ENTHD1: variants seen among roughly 807,000 people sequenced by gnomAD.
The protein encoded by ENTHD1 is ENTH domain containing 1.
Under a neutral mutation model 39.1 loss-of-function variants are expected in ENTHD1, and 23 were observed. The observed-to-expected ratio is 0.59, with a 90% CI of 0.42 to 0.83. ENTHD1 has a LOEUF of 0.83. Among genes scored for constraint, ENTHD1 ranks in the 40% least tolerant of loss-of-function variants. ENTHD1 has a pLI of 0.00. For synonymous variants in ENTHD1, 230 were observed against 258.2 expected (o/e 0.89, Z 1.05); for missense variants, 624 against 705.4 (o/e 0.88, Z 1.31).
chr22:39,743,959 T>C lies in ENTHD1; in HGVS notation c.1544A>G (p.Glu515Gly), dbSNP rs1569120171. ...ISHISSSHWG[E>G]FSTQNVDQFI... ...CTGGTCTACATTTTGGGTGGAAAAC[T>C]CCCCCCAGTGACTACTAGAAATGTG... is the stretch of plus-strand genomic sequence containing the variant. The change falls in exon 7 of 7, where the codon GAG becomes GGG. Residue 515 changes from glutamate to glycine, a missense_variant. By Grantham distance (98) the Glu-to-Gly change is moderately conservative. Coordinates refer to ENST00000325157, the MANE Select transcript of ENTHD1 (RefSeq NM_152512.4). 2 of 1,614,056 alleles carry C rather than the reference T, an allele frequency of 1.2e-6. No homozygotes were observed. The highest frequency in any genetic ancestry group is 1.7e-5 in the Admixed American group (1 of 60,006).
intron 4 of ENTHD1, among the ~76,000 whole-genome samples, chr22:39,826,974 G>C (rs2065831491): frequency 6.6e-6 from 1 of 151,638 alleles, no homozygotes; most frequent in South Asian, 2.1e-4. Flanking sequence ...CAGCCTCCCT[G>C]GCGGCTGGGA....
intron 6 of ENTHD1, among the ~76,000 whole-genome samples, chr22:39,749,032 G>A (rs558968183): frequency 8.5e-5 from 13 of 152,270 alleles, no homozygotes; most frequent in South Asian, 2.1e-4. Flanking sequence ...AACTGCTGAC[G>A]AAATCGCTTA....
intron 3 of ENTHD1, among the ~76,000 whole-genome samples, chr22:39,837,311 T>C (rs2065913807): frequency 6.6e-6 from 1 of 152,214 alleles, no homozygotes. Context: ...GATCCGCAAC[T>C]TCCACCTATG....
chr22:39,810,025 C>T (rs948638405), intron 5 of ENTHD1, among the ~76,000 whole-genome samples: 1 of 152,172 alleles, frequency 6.6e-6, no homozygotes, highest in African/African-American at 2.4e-5. Context: ...AACCTAACTA[C>T]TGTCATTATA....
At chr22:39,758,161 G>GT (rs1203360434) in intron 6 of ENTHD1, among the ~76,000 whole-genome samples, 4 of 152,130 alleles carry the variant, frequency 2.6e-5, no homozygotes, top group Admixed American at 1.3e-4. Context: ...CTAGTAGCCT[G>GT]TTTGACAGAC....
At chr22:39,831,325 G>C (rs1012906661) in intron 4 of ENTHD1, among the ~76,000 whole-genome samples, 11 of 152,180 alleles carry the variant, frequency 7.2e-5, no homozygotes, top group Non-Finnish European at 1.3e-4. Context: ...ATCCCAAGCT[G>C]CCAGTAAGTC....
At chr22:39,884,085 AT>A (rs1197193604) in intron 2 of ENTHD1, among the ~76,000 whole-genome samples, 5 of 152,166 alleles carry the variant, frequency 3.3e-5, no homozygotes, top group Admixed American at 1.3e-4. Flanking sequence ...GTGTACAAAG[AT>A]TGGAGAAATT....
At chr22:39,823,672 A>G (rs1301594568) in intron 4 of ENTHD1, among the ~76,000 whole-genome samples, 1 of 152,172 alleles carries the variant, frequency 6.6e-6, no homozygotes, top group Non-Finnish European at 1.5e-5. Context: ...TATCTCTGGT[A>G]TAAATTCCTA....
intron 3 of ENTHD1, among the ~76,000 whole-genome samples, chr22:39,844,093 T>C (rs2065968403): frequency 6.6e-6 from 1 of 152,112 alleles, no homozygotes; most frequent in African/African-American, 2.4e-5. Context: ...TTACTGTACA[T>C]CTTTCTTGGT....
intron 2 of ENTHD1, among the ~76,000 whole-genome samples, chr22:39,887,007 T>C (rs1267129813): frequency 4.6e-5 from 7 of 152,200 alleles, no homozygotes; most frequent in Admixed American, 4.6e-4. Flanking sequence ...AACCTAAGTG[T>C]GTTCACTTTT....
Position 39,831,895 on chromosome 22 carries a change from T to C in ENTHD1, c.711+3945A>G, listed in dbSNP as rs186783050. 5.8e-4 allele frequency among the ~76,000 whole-genome samples: 88 copies of C among 152,244 alleles called. 2 individuals are homozygous for C. Among genetic ancestry groups the C allele is most frequent in the Admixed American group, 3.4e-3 (52 of 15,292 alleles). ...ACTGAGTACACGTAGTCTTAAAAGA[T>C]AATGAAAAGGATAACATTTAATTTA... On this transcript the variant is annotated intron_variant, in intron 4 of 6. Coordinates refer to ENST00000325157, the MANE Select transcript of ENTHD1 (RefSeq NM_152512.4).
chr22:39,781,356 A>G (rs1471568293), intron 5 of ENTHD1, among the ~76,000 whole-genome samples: 2 of 152,298 alleles, frequency 1.3e-5, no homozygotes, highest in African/African-American at 2.4e-5. Flanking sequence ...AACAAAAGGA[A>G]CCTTGGAAAG....
At chr22:39,846,498 C>A (rs1022105859) in intron 3 of ENTHD1, among the ~76,000 whole-genome samples, 3 of 152,098 alleles carry the variant, frequency 2.0e-5, no homozygotes, top group African/African-American at 7.2e-5. Flanking sequence ...TAATTAGATC[C>A]CATTTGTCGA....
At chr22:39,830,736 A>G (rs921769263) in intron 4 of ENTHD1, among the ~76,000 whole-genome samples, 7 of 152,368 alleles carry the variant, frequency 4.6e-5, no homozygotes, top group Admixed American at 1.3e-4. Context: ...ACAGGTCTCT[A>G]CTCAAGAAGA....
intron 3 of ENTHD1, among the ~76,000 whole-genome samples, chr22:39,857,482 A>G (rs2146717250): frequency 6.8e-6 from 1 of 147,508 alleles, no homozygotes; most frequent in African/African-American, 2.5e-5. Flanking sequence ...GCAATCTGTG[A>G]CTACAAAACA....
intron 5 of ENTHD1, among the ~76,000 whole-genome samples, chr22:39,804,048 C>A (rs2065620782): frequency 6.6e-6 from 1 of 151,524 alleles, no homozygotes; most frequent in South Asian, 2.1e-4. Context: ...TCTGTTGTCC[C>A]AGCTACTCAG....
intron 3 of ENTHD1, among the ~76,000 whole-genome samples, chr22:39,841,924 C>T (rs1257871259): frequency 1.3e-5 from 2 of 150,720 alleles, no homozygotes; most frequent in Non-Finnish European, 3.0e-5. Flanking sequence ...TCTTTTAGGG[C>T]AGGCCTGGTG....
chr22:39,794,028 G>C (rs897999534), intron 5 of ENTHD1, among the ~76,000 whole-genome samples: 3 of 152,140 alleles, frequency 2.0e-5, no homozygotes, highest in African/African-American at 7.2e-5. Flanking sequence ...AGATTGCATT[G>C]AATCTGTAAA....
chr22:39,847,539 AAAAT>A (rs1287147633), intron 3 of ENTHD1, among the ~76,000 whole-genome samples: 6 of 151,862 alleles, frequency 4.0e-5, no homozygotes, highest in Non-Finnish European at 7.4e-5. Context: ...TAAAAATAAA[AAAAT>A]AAAGTCAGCT....
Sources: allele counts gnomAD v4.1 joint callset (sites outside exome capture counted in the v4.1 genomes callset), GRCh38; gene constraint gnomAD v4.1.1; transcripts MANE v1.5; gene names NCBI Gene and HGNC (gene_info 2026-07-23, HGNC 2026-07-21).